Variants in PELI2 observed in about 807,000 individuals in gnomAD.
PELI2 encodes pellino E3 ubiquitin protein ligase family member 2, also known as E3 ubiquitin-protein ligase pellino homolog 2.
Under a neutral mutation model 42.3 loss-of-function variants are expected in PELI2, and 23 were observed. The ratio of observed to expected loss-of-function variants is 0.54; its 90% CI spans 0.39 to 0.77. The LOEUF (loss-of-function observed/expected upper bound fraction) is 0.77. PELI2 is among the 30% of genes least tolerant of loss of function. The probability of loss-of-function intolerance (pLI) is 0.00; values close to 1 mark genes in which losing one functional copy is unlikely to be tolerated. For missense variants in PELI2, 463 were observed against 553.2 expected (o/e 0.84, Z 1.64); for synonymous variants, 245 against 212.2 (o/e 1.15, Z -1.34).
At chr14:56,155,874 G>A (rs928630704) in intron 1 of PELI2, among the ~76,000 whole-genome samples, 1 of 152,160 alleles carries the variant, frequency 6.6e-6, no homozygotes, top group African/African-American at 2.4e-5. Flanking sequence ...GTGAGCCACT[G>A]TGCCTGGCTT....
At chr14:56,255,143 C>T (rs1433877747) in intron 2 of PELI2, among the ~76,000 whole-genome samples, 5 of 152,100 alleles carry the variant, frequency 3.3e-5, no homozygotes, top group Admixed American at 6.5e-5. Context: ...TGGTTATATA[C>T]CCAAAGGATT....
At chr14:56,250,810 A>G (rs1411558117) in intron 2 of PELI2, among the ~76,000 whole-genome samples, 2 of 152,162 alleles carry the variant, frequency 1.3e-5, no homozygotes, top group Non-Finnish European at 2.9e-5. Context: ...GCACCCACCG[A>G]ACAATACTTT....
intron 1 of PELI2, among the ~76,000 whole-genome samples, chr14:56,157,260 A>T (rs1311715487): frequency 1.3e-5 from 2 of 152,210 alleles, no homozygotes; most frequent in African/African-American, 4.8e-5. Flanking sequence ...TTCACTTACT[A>T]CTTTGCAGTT....
At chr14:56,178,560 A>AG in intron 2 of PELI2, 96 bp downstream of exon 2, 1 of 1,365,874 alleles carries the variant, frequency 7.3e-7, no homozygotes, top group East Asian at 2.3e-5. Context: ...CTTTTCATGT[A>AG]GGACAGTCTC....
At chr14:56,203,953 G>T (rs1350715600) in intron 2 of PELI2, among the ~76,000 whole-genome samples, 1 of 152,090 alleles carries the variant, frequency 6.6e-6, no homozygotes, top group African/African-American at 2.4e-5. Flanking sequence ...AAATGAAGGA[G>T]AAACAGCCAG....
At chr14:56,135,751 T>G (rs1883666154) in intron 1 of PELI2, among the ~76,000 whole-genome samples, 1 of 152,252 alleles carries the variant, frequency 6.6e-6, no homozygotes, top group African/African-American at 2.4e-5. Flanking sequence ...ATGCTGTATG[T>G]TTTGCTTGCT....
rs1318004894 is a variant in PELI2, at chr14:56,144,924, C to T, written c.77+26187C>T. On this transcript the variant is annotated intron_variant, in intron 1 of 5. Coordinates refer to ENST00000267460, the MANE Select transcript of PELI2 (RefSeq NM_021255.3). Reference sequence around the variant, plus strand: ...CTATTTCTTTATTACTGACTTTACTCTTTGCCGGTGTTTCCATTACAGGAG... The same window carrying T: ...CTATTTCTTTATTACTGACTTTACTTTTTGCCGGTGTTTCCATTACAGGAG... The T allele has an allele frequency of 4.1e-6, 4 of 965,182 alleles. No individual in the cohort carries two copies. The African/African-American group carries it at 5.3e-5, about 13-fold the overall frequency. The allele number at this position is 965,182 out of a possible 1,614,324, so 59.8% of individuals were successfully genotyped here. A position where few individuals can be genotyped will look rare whatever the true frequency, so the allele number is the denominator to read the frequency against.
At chr14:56,245,522 T>C (rs923459443) in intron 2 of PELI2, among the ~76,000 whole-genome samples, 2 of 152,236 alleles carry the variant, frequency 1.3e-5, no homozygotes, top group Non-Finnish European at 2.9e-5. Flanking sequence ...GAATTCCTGG[T>C]TGGCAAAATT....
In PELI2 at chr14:56,178,977, G is replaced by T. The variant is rs185749968; in HGVS notation, c.207+513G>T. ...ATGTACATGGAATTGAATTTGTGTG[G>T]CTCATAGAAGGATGAAAAGTATACA... On this transcript the variant is annotated intron_variant, in intron 2 of 5. Coordinates refer to ENST00000267460, the MANE Select transcript of PELI2 (RefSeq NM_021255.3). Among the ~76,000 whole-genome samples the T allele has an allele frequency of 4.4e-4, 67 of 152,120 alleles. 1 individual carries two copies. The highest frequency in any genetic ancestry group is 1.1e-3 in the African/African-American group (44 of 41,480).
intron 2 of PELI2, among the ~76,000 whole-genome samples, chr14:56,214,294 C>T (rs1334287761): frequency 6.6e-6 from 1 of 152,122 alleles, no homozygotes; most frequent in Non-Finnish European, 1.5e-5. Context: ...GGTAGAGCCC[C>T]TGGAAGCTAT....
chr14:56,122,598 CT>C (rs34293379), intron 1 of PELI2, among the ~76,000 whole-genome samples: 11 of 149,316 alleles, frequency 7.4e-5, no homozygotes, highest in African/African-American at 2.0e-4. Context: ...TTTTGCAAGA[CT>C]TTTTTTTTTT....
At chr14:56,128,574 T>TAGCA (rs568847647) in intron 1 of PELI2, among the ~76,000 whole-genome samples, 122 of 152,296 alleles carry the variant, frequency 8.0e-4, no homozygotes, top group African/African-American at 2.8e-3. Context: ...AGTTGGCCTT[T>TAGCA]AGCAGAGCCT....
intron 2 of PELI2, among the ~76,000 whole-genome samples, chr14:56,261,457 C>G (rs1888713398): frequency 6.6e-6 from 1 of 152,172 alleles, no homozygotes; most frequent in Non-Finnish European, 1.5e-5. Context: ...TGAACTACAT[C>G]GCTTTCAACT....
chr14:56,137,655 C>T (rs1274861543), intron 1 of PELI2, among the ~76,000 whole-genome samples: 6 of 152,146 alleles, frequency 3.9e-5, no homozygotes, highest in Middle Eastern at 3.2e-3. Context: ...CACTCACATT[C>T]GTGTGTGGAG....
chr14:56,154,050 C>A (rs1884462764), intron 1 of PELI2, among the ~76,000 whole-genome samples: 1 of 152,074 alleles, frequency 6.6e-6, no homozygotes, highest in Non-Finnish European at 1.5e-5. Flanking sequence ...TCAATATAGA[C>A]ATTTAGAAGA....
chr14:56,172,551 G>A (rs745520445), intron 1 of PELI2, among the ~76,000 whole-genome samples: 1 of 152,224 alleles, frequency 6.6e-6, no homozygotes, highest in East Asian at 1.9e-4. Flanking sequence ...GACTCTTAAG[G>A]AGGGGAGGTT....
rs1890025714 is a variant in PELI2, at chr14:56,296,874, A to G, written c.971A>G (p.His324Arg). 3.7e-6 allele frequency: 6 copies of G among 1,614,162 alleles called. No individual in the cohort carries two copies. Among genetic ancestry groups the G allele is most frequent in the Admixed American group, 1.7e-5 (1 of 60,030 alleles). Residue 324 changes from histidine (H) to arginine (R), a missense_variant, in exon 6 of 6, where the codon CAT (histidine) becomes CGT (arginine). Transcript: ENST00000267460. ...GTGCACGGGTACCACAACTGGGGCC[A>G]TCGGAGTGACACGGAGGCCAACGAG... is the stretch of plus-strand genomic sequence containing the variant. ...GHVHGYHNWG[H>R]RSDTEANERE...
At chr14:56,185,365 T>C (rs887395899) in intron 2 of PELI2, among the ~76,000 whole-genome samples, 4 of 152,188 alleles carry the variant, frequency 2.6e-5, no homozygotes, top group African/African-American at 4.8e-5. Context: ...TTTGGTTTAG[T>C]TTTTCACTTC....
chr14:56,228,291 A>G (rs1887433841), intron 2 of PELI2, among the ~76,000 whole-genome samples: 1 of 152,192 alleles, frequency 6.6e-6, no homozygotes, highest in South Asian at 2.1e-4. Context: ...CTTTTTCAGC[A>G]TGATGCAGCC....
Sources: gnomAD v4.1 joint callset for allele counts (sites outside exome capture counted in the v4.1 genomes callset) on GRCh38, gnomAD v4.1.1 for gene constraint, MANE v1.5 for transcripts, NCBI Gene and HGNC (gene_info 2026-07-23, HGNC 2026-07-21) for gene names.